LCOR: variants seen among roughly 807,000 people sequenced by gnomAD.
LCOR encodes ligand-dependent corepressor.
LCOR carries 14 observed loss-of-function variants against 64.4 expected under a neutral mutation model. That is an observed-to-expected ratio of 0.22 (90% CI 0.14 to 0.34). The LOEUF is 0.34. Ranked by LOEUF, LCOR falls within the 10% of genes least tolerant of loss-of-function variation. LCOR has a pLI of 1.00. For missense variants in LCOR, 1,686 were observed against 1,765.3 expected, an observed-to-expected ratio of 0.96 and a Z score of 0.80; for synonymous variants, 643 against 642.5, an observed-to-expected ratio of 1.00 and a Z score of -0.01.
intron 4 of LCOR, among the ~76,000 whole-genome samples, chr10:96,943,081 G>A (rs1442931406): frequency 1.4e-5 from 2 of 139,258 alleles, no homozygotes; most frequent in African/African-American, 5.6e-5. Flanking sequence ...TTTTTGGTCA[G>A]AGAAACTTTC....
intron 4 of LCOR, among the ~76,000 whole-genome samples, chr10:96,911,095 T>C (rs1164350400): frequency 3.1e-5 from 3 of 97,162 alleles, no homozygotes; most frequent in African/African-American, 2.1e-4. Context: ...CATGTTCCCT[T>C]TTTTTTTTTT....
intron 4 of LCOR, chr10:96,907,995 T>C (rs1477684421): frequency 6.6e-6 from 1 of 152,298 alleles, no homozygotes; most frequent in Non-Finnish European, 1.5e-5. Context: ...TTTTGCTTTT[T>C]TGTTTTTTTT....
intron 4 of LCOR, among the ~76,000 whole-genome samples, chr10:96,941,453 G>C: frequency 1.5e-5 from 2 of 137,876 alleles, no homozygotes; most frequent in Non-Finnish European, 1.6e-5. Context: ...GACTGGCCGG[G>C]CAGAGGGGCT....
chr10:96,865,184 TA>T (rs1460607853), intron 2 of LCOR, among the ~76,000 whole-genome samples: 1 of 152,182 alleles, frequency 6.6e-6, no homozygotes, highest in East Asian at 1.9e-4. Flanking sequence ...CTGGTTTATA[TA>T]AAAATTTATA....
chr10:96,945,586 T>C (rs953460570), intron 5 of LCOR, among the ~76,000 whole-genome samples: 5 of 152,180 alleles, frequency 3.3e-5, no homozygotes, highest in African/African-American at 4.8e-5. Flanking sequence ...TTCTTAGTTT[T>C]ATGAACATCT....
intron 4 of LCOR, among the ~76,000 whole-genome samples, chr10:96,918,554 G>T (rs1245303330): frequency 6.6e-6 from 1 of 152,202 alleles, no homozygotes; most frequent in Non-Finnish European, 1.5e-5. Flanking sequence ...AAGATTTTGA[G>T]AGCTAAAGGG....
rs141488157 is a variant in LCOR at position 96,911,503 on chromosome 10, T to A, written c.-184+3756T>A. Among the ~76,000 whole-genome samples the A allele has an allele frequency of 2.0e-5, 3 of 152,324 alleles. No individual in the cohort carries two copies. The East Asian group carries it at 5.8e-4, about 29-fold the overall frequency. ...AGAGATGTTCAGTTATGGGCAAAAT[T>A]ACATAGCTGGGATTTGATCCATGTT... On this transcript the variant is annotated intron_variant, in intron 4 of 7. Transcript: ENST00000421806.
intron 2 of LCOR, among the ~76,000 whole-genome samples, chr10:96,869,199 G>A (rs981771799): frequency 3.3e-5 from 5 of 151,994 alleles, no homozygotes; most frequent in African/African-American, 9.7e-5. Flanking sequence ...GAGCTACTGT[G>A]CCTGGCCTGT....
At chr10:96,931,081 A>G (rs144743108) in intron 4 of LCOR, among the ~76,000 whole-genome samples, 1 of 152,250 alleles carries the variant, frequency 6.6e-6, no homozygotes, top group East Asian at 1.9e-4. Flanking sequence ...GTATATTTGT[A>G]AAGCTTTTAC....
chr10:96,966,357 T>C (rs1004148563), intron 7 of LCOR, among the ~76,000 whole-genome samples: 1 of 150,502 alleles, frequency 6.6e-6, no homozygotes, highest in Non-Finnish European at 1.5e-5. Context: ...GCCTCCCAAG[T>C]AGCTGGGACT....
intron 2 of LCOR, among the ~76,000 whole-genome samples, chr10:96,894,117 A>C (rs1846495807): frequency 6.6e-6 from 1 of 152,068 alleles, no homozygotes; most frequent in Non-Finnish European, 1.5e-5. Flanking sequence ...TTTGTAATGG[A>C]GTCTCGCTCT....
At chr10:96,854,389 G>A (rs1486384086) in intron 2 of LCOR, among the ~76,000 whole-genome samples, 2 of 152,148 alleles carry the variant, frequency 1.3e-5, no homozygotes, top group African/African-American at 2.4e-5. Flanking sequence ...GCAGTGGCGT[G>A]ATCTCGGCTC....
chr10:96,867,927 C>T (rs2134401158), intron 2 of LCOR, among the ~76,000 whole-genome samples: 1 of 151,886 alleles, frequency 6.6e-6, no homozygotes, highest in Non-Finnish European at 1.5e-5. Flanking sequence ...TCTTGTTGCT[C>T]AGGCTAGAGT....
intron 7 of LCOR, among the ~76,000 whole-genome samples, chr10:96,969,972 T>TC (rs1242363309): frequency 7.0e-6 from 1 of 143,092 alleles, no homozygotes; most frequent in African/African-American, 2.7e-5. Flanking sequence ...TTTTTTTTTT[T>TC]AGTAGAGATG....
At chr10:96,945,727 T>C (rs1017210775) in intron 5 of LCOR, among the ~76,000 whole-genome samples, 2 of 152,152 alleles carry the variant, frequency 1.3e-5, no homozygotes, top group African/African-American at 2.4e-5. Context: ...TGTGTTGTTA[T>C]AGCAAGCTTC....
At chr10:96,979,973 G>A (rs561138901) in intron 7 of LCOR, among the ~76,000 whole-genome samples, 6 of 152,220 alleles carry the variant, frequency 3.9e-5, no homozygotes, top group South Asian at 2.1e-4. Context: ...GTGAAACCCC[G>A]TCTCTACTAA....
Position 96,907,258 on chromosome 10 carries a change from C to G in LCOR, c.-329-7C>G, listed in dbSNP as rs540058334. On this transcript the variant is annotated splice_polypyrimidine_tract_variant and splice_region_variant and intron_variant, in intron 2 of 7. Coordinates refer to ENST00000421806, the MANE Select transcript of LCOR (RefSeq NM_001346516.2). ...TGTGGTAATGGATTTTGTTTTTATC[C>G]TTTCAGGGTTTGAAAGTATTCTTGA... 1.0e-5 allele frequency: 10 copies of G among 963,554 alleles called. No individual in the cohort carries two copies. Among genetic ancestry groups the G allele is most frequent in the Admixed American group, 6.2e-5 (1 of 16,184 alleles). The allele number at this position is 963,554 out of a possible 1,614,324, so 59.7% of individuals were successfully genotyped here. A position where few individuals can be genotyped will look rare whatever the true frequency, so the allele number is the denominator to read the frequency against.
intron 4 of LCOR, among the ~76,000 whole-genome samples, chr10:96,928,625 T>C (rs1466291524): frequency 6.6e-6 from 1 of 152,236 alleles, no homozygotes; most frequent in African/African-American, 2.4e-5. Context: ...CTCTTGTTAA[T>C]ATTTATATTT....
At chr10:96,903,711 C>T (rs1368121696) in intron 2 of LCOR, among the ~76,000 whole-genome samples, 1 of 151,994 alleles carries the variant, frequency 6.6e-6, no homozygotes, top group East Asian at 1.9e-4. Flanking sequence ...TCCCCCTTTT[C>T]GTTGGAAATG....
Sources: gnomAD v4.1 joint callset for allele counts (sites outside exome capture counted in the v4.1 genomes callset) on GRCh38, gnomAD v4.1.1 for gene constraint, MANE v1.5 for transcripts, NCBI Gene and HGNC (gene_info 2026-07-23, HGNC 2026-07-21) for gene names.